The following OSBPL3 variants were observed in gnomAD, a reference collection of about 807,000 sequenced individuals.
OSBPL3 encodes the protein oxysterol binding protein like 3.
In OSBPL3, 65 loss-of-function variants were observed where a neutral mutation model predicts 120.1. That is an observed-to-expected ratio of 0.54 (90% CI 0.44 to 0.67). OSBPL3 has a LOEUF of 0.67. OSBPL3 is among the 30% of genes least tolerant of loss of function. OSBPL3 has a pLI of 0.00. For synonymous variants in OSBPL3, 416 were observed against 402.6 expected, an observed-to-expected ratio of 1.03 and a Z score of -0.40; for missense variants, 1,004 against 1,082.1, an observed-to-expected ratio of 0.93 and a Z score of 1.01.
At chr7:24,840,553 A>G in intron 14 of OSBPL3, 137 bp downstream of exon 14, 1 of 462,350 alleles carries the variant, frequency 2.2e-6, no homozygotes, top group Non-Finnish European at 3.8e-6. Context: ...TTGGGGAGTC[A>G]AAAGTTATAC....
rs1807913448 is a variant in OSBPL3 at position 24,906,356 on chromosome 7, T to G, written c.-149-13735A>C. On this transcript the variant is annotated intron_variant, in intron 1 of 22. Transcript: ENST00000313367. Reference sequence around the variant, plus strand: ...CAGGGCAAAGAGGAGCCGGGAGACTTGCGAGGAGGTGGGATCATTGCCCCT... The same window carrying G: ...CAGGGCAAAGAGGAGCCGGGAGACTGGCGAGGAGGTGGGATCATTGCCCCT... 1.2e-5 allele frequency: 3 copies of G among 240,328 alleles called. No homozygotes were observed. The South Asian group carries it at 1.4e-4, about 12-fold the overall frequency. 14.9% of individuals were successfully genotyped at this position (240,328 alleles called of 1,614,324 possible). A position where few individuals can be genotyped will look rare whatever the true frequency, so the allele number is the denominator to read the frequency against.
At chr7:24,809,762 C>A (rs1434297791) in intron 20 of OSBPL3, 45 bp downstream of exon 20, 2 of 1,600,224 alleles carry the variant, frequency 1.2e-6, no homozygotes, top group East Asian at 4.5e-5. Flanking sequence ...CATGCCCACC[C>A]ATCCACCCAC....
intron 19 of OSBPL3, among the ~76,000 whole-genome samples, chr7:24,814,277 C>T (rs927248882): frequency 2.8e-4 from 21 of 75,586 alleles, no homozygotes; most frequent in African/African-American, 1.7e-3. Flanking sequence ...TGGAGAGGAA[C>T]GAGGTGGCGT....
rs1812934288 is a variant in OSBPL3 at position 24,940,349 on chromosome 7, A to T, written c.-150+39537T>A. Among the ~76,000 whole-genome samples the T allele has an allele frequency of 1.3e-5, 2 of 152,172 alleles. No homozygotes were observed. The highest frequency in any genetic ancestry group is 4.1e-4 in the South Asian group (2 of 4,830). On this transcript the variant is annotated intron_variant, in intron 1 of 22. Transcript: ENST00000313367. The surrounding 1 kb of genome is among the most constrained non-coding windows in gnomAD (Gnocchi z 4.4). Reference sequence around the variant, plus strand: ...GAGAAAGAAATGAATCCTATAGAAGATCAGGAGGTGTAGAAATTACTGGTA... The same window carrying T: ...GAGAAAGAAATGAATCCTATAGAAGTTCAGGAGGTGTAGAAATTACTGGTA...
chr7:24,981,266 G>T (rs1210932820), upstream of OSBPL3: 1 of 152,240 alleles, frequency 6.6e-6, no homozygotes, highest in Non-Finnish European at 1.5e-5. This position sits in a 1 kb window ranked among gnomAD's most constrained non-coding sequence, Gnocchi z 7.3. Context: ...GGGCCTCTAG[G>T]CGAGGGTGGC....
At chr7:24,971,978 G>A (rs1042983578) in intron 1 of OSBPL3, among the ~76,000 whole-genome samples, 1 of 152,162 alleles carries the variant, frequency 6.6e-6, no homozygotes, top group East Asian at 1.9e-4. Context: ...ACCCAAGTGG[G>A]CTTCCCTGTA....
chr7:24,979,555 C>G (rs1259628010), intron 1 of OSBPL3, among the ~76,000 whole-genome samples: 1 of 152,202 alleles, frequency 6.6e-6, no homozygotes, highest in Non-Finnish European at 1.5e-5. Flanking sequence ...TCCCCGCTGC[C>G]CAGGACAGCT....
At chr7:24,860,836 C>T (rs1029930086) in intron 10 of OSBPL3, among the ~76,000 whole-genome samples, 2 of 152,126 alleles carry the variant, frequency 1.3e-5, no homozygotes, top group Non-Finnish European at 2.9e-5. Context: ...TGTTGAAAAC[C>T]ACTTGAGTTT....
At chr7:24,876,803 C>T (rs1802912806) in intron 2 of OSBPL3, among the ~76,000 whole-genome samples, 1 of 152,192 alleles carries the variant, frequency 6.6e-6, no homozygotes, top group Non-Finnish European at 1.5e-5. Flanking sequence ...AGAACACTTT[C>T]TAGCTCTATG....
chr7:24,890,683 T>TA, intron 2 of OSBPL3, among the ~76,000 whole-genome samples: 1 of 152,308 alleles, frequency 6.6e-6, no homozygotes. Flanking sequence ...AGAGGAAATA[T>TA]AAGTGTCTCC....
rs949994990 is a variant in OSBPL3, at chr7:24,891,049, G to C, written c.96+1328C>G. Among the ~76,000 whole-genome samples the C allele has an allele frequency of 6.6e-6, 1 of 152,104 alleles. No individual in the cohort carries two copies. Among genetic ancestry groups the C allele is most frequent in the Non-Finnish European group, 1.5e-5 (1 of 68,030 alleles). On this transcript the variant is annotated intron_variant, in intron 2 of 22. Coordinates refer to ENST00000313367, the MANE Select transcript of OSBPL3 (RefSeq NM_015550.4). The surrounding 1 kb of genome is among the most constrained non-coding windows in gnomAD (Gnocchi z 4.1). ...GGTGTAAGGAAGATGGCGCAGGTAG[G>C]GGATATACCACATACTGTTTTAATC... is the stretch of plus-strand genomic sequence containing the variant.
rs904823734 is a variant in OSBPL3 at position 24,818,446 on chromosome 7, T to G, written c.1948+1729A>C. Among the ~76,000 whole-genome samples the G allele has an allele frequency of 2.0e-5, 3 of 151,738 alleles. No homozygotes were observed. The highest frequency in any genetic ancestry group is 1.9e-4 in the East Asian group (1 of 5,180). ...GACGTATGAAAAAATAGTAGAGAGG[T>G]TGGGAAGGGAAAATGGAAGTATACT... On this transcript the variant is annotated intron_variant, in intron 17 of 22. Coordinates refer to ENST00000313367, the MANE Select transcript of OSBPL3 (RefSeq NM_015550.4). The surrounding 1 kb of genome is among the most constrained non-coding windows in gnomAD (Gnocchi z 4.0).
chr7:24,959,544 G>A lies in OSBPL3; in HGVS notation c.-150+20342C>T, dbSNP rs1815475822. 6.6e-6 allele frequency among the ~76,000 whole-genome samples: 1 copy of A among 152,172 alleles called. No homozygotes were observed. Among genetic ancestry groups the A allele is most frequent in the African/African-American group, 2.4e-5 (1 of 41,440 alleles). On this transcript the variant is annotated intron_variant, in intron 1 of 22. Transcript: ENST00000313367. This position sits in a 1 kb window ranked among gnomAD's most constrained non-coding sequence, Gnocchi z 4.3. ...ATCAGGATGGAAATTACCCATTGCGGGTAGGGATAGCGACTTCGGAAGAGC... is the reference window on the plus strand; with the variant it reads ...ATCAGGATGGAAATTACCCATTGCGAGTAGGGATAGCGACTTCGGAAGAGC...
rs943235800 is a variant in OSBPL3, at chr7:24,803,459, T to C, written c.2567+856A>G. Among the ~76,000 whole-genome samples, 1 of 152,036 alleles carries C rather than the reference T, an allele frequency of 6.6e-6. No individual in the cohort carries two copies. The highest frequency in any genetic ancestry group is 1.5e-5 in the Non-Finnish European group (1 of 68,006). On this transcript the variant is annotated intron_variant, in intron 22 of 22. Transcript: ENST00000313367. This position sits in a 1 kb window ranked among gnomAD's most constrained non-coding sequence, Gnocchi z 4.2. ...TAGGAGGAGATGGGGAGGTGAAGGG[T>C]TGAAGATCTCTCATACCTCCTTTAA... is the stretch of plus-strand genomic sequence containing the variant.
Position 24,802,304 on chromosome 7 carries a change from A to G in OSBPL3, c.2567+2011T>C, listed in dbSNP as rs1792458323. Among the ~76,000 whole-genome samples, 1 of 152,166 alleles carries G rather than the reference A, an allele frequency of 6.6e-6. No individual in the cohort carries two copies. The highest frequency in any genetic ancestry group is 2.4e-5 in the African/African-American group (1 of 41,446). On this transcript the variant is annotated intron_variant, in intron 22 of 22. Transcript: ENST00000313367. The surrounding 1 kb of genome is among the most constrained non-coding windows in gnomAD (Gnocchi z 4.1). The stretch of plus-strand genomic sequence containing the variant: ...TGTTAATGACAACATCCAAGTCCCC[A>G]TATTCCTCTCCAAAATCTCTTTGCC...
intron 14 of OSBPL3, among the ~76,000 whole-genome samples, chr7:24,839,194 T>C (rs1001969785): frequency 2.0e-5 from 3 of 152,140 alleles, no homozygotes; most frequent in East Asian, 3.9e-4. Flanking sequence ...AGGTGGTGCT[T>C]TGAGTATCCA....
chr7:24,897,199 C>T (rs1216107653), intron 1 of OSBPL3, among the ~76,000 whole-genome samples: 1 of 152,066 alleles, frequency 6.6e-6, no homozygotes, highest in African/African-American at 2.4e-5. Context: ...ATAGAATAGA[C>T]ACTCCACAGA....
chr7:24,817,383 G>C lies in OSBPL3; in HGVS notation c.1949-695C>G, dbSNP rs916373936. Among the ~76,000 whole-genome samples the C allele has an allele frequency of 6.6e-6, 1 of 152,144 alleles. No homozygotes were observed. The highest frequency in any genetic ancestry group is 2.4e-5 in the African/African-American group (1 of 41,414). Reference sequence around the variant, plus strand: ...AATACAAAAATTAGCTGGGCGTTGTGGTGGGTGCCTGTAGTCCCAGCTGCT... The same window carrying C: ...AATACAAAAATTAGCTGGGCGTTGTCGTGGGTGCCTGTAGTCCCAGCTGCT... On this transcript the variant is annotated intron_variant, in intron 17 of 22. Transcript: ENST00000313367. This position sits in a 1 kb window ranked among gnomAD's most constrained non-coding sequence, Gnocchi z 4.0.
intron 2 of OSBPL3, among the ~76,000 whole-genome samples, chr7:24,885,427 T>A (rs541641688): frequency 1.3e-5 from 2 of 151,974 alleles, no homozygotes; most frequent in African/African-American, 4.8e-5. Flanking sequence ...CATAATCTAA[T>A]ACCCTGCATA....
Sources: gnomAD v4.1 joint callset for allele counts (sites outside exome capture counted in the v4.1 genomes callset) on GRCh38, gnomAD v4.1.1 for gene constraint, Gnocchi (gnomAD v3.1) non-coding constraint, MANE v1.5 for transcripts, NCBI Gene and HGNC (gene_info 2026-07-23, HGNC 2026-07-21) for gene names.